The following DDHD2 variants were observed in gnomAD, a reference collection of about 807,000 sequenced individuals.
DDHD2 encodes DDHD domain containing 2, also known as triacylglycerol hydrolase DDHD2.
Under a neutral mutation model 91.2 loss-of-function variants are expected in DDHD2, and 62 were observed. The ratio of observed to expected loss-of-function variants is 0.68; its 90% CI spans 0.55 to 0.84. DDHD2 has a LOEUF of 0.84. DDHD2 is among the 40% of genes least tolerant of loss of function. The pLI is 0.00. For synonymous variants in DDHD2, 271 were observed against 293.9 expected, an observed-to-expected ratio of 0.92 and a Z score of 0.80; for missense variants, 740 against 846.9, an observed-to-expected ratio of 0.87 and a Z score of 1.57.
chr8:38,265,021 C>T (rs750685347), downstream of DDHD2: 59 of 1,051,006 alleles, frequency 5.6e-5, no homozygotes, highest in Non-Finnish European at 7.9e-5. Context: ...GTAATCCCAG[C>T]ACTTTGGGAG....
Position 38,253,575 on chromosome 8 carries a change from C to T in DDHD2, c.1911C>T (p.Thr637=), listed in dbSNP as rs1460992585. ...EKPSDVNTEE[T]SVAVKEEVLP... The stretch of plus-strand genomic sequence containing the variant: ...ATCCAGATGTTAACACAGAAGAGAC[C>T]TCTGTGGCAGTTAAAGAAGAAGTCC... Residue 637 remains threonine (T), a synonymous_variant, in exon 16 of 18, where the codon ACC becomes ACT. Coordinates refer to ENST00000397166, the MANE Select transcript of DDHD2 (RefSeq NM_015214.3). 1.9e-6 allele frequency: 3 copies of T among 1,613,794 alleles called. No homozygotes were observed. Among genetic ancestry groups the T allele is most frequent in the Non-Finnish European group, 2.5e-6 (3 of 1,179,912 alleles).
At chr8:38,267,757 C>T (rs117245448), downstream of DDHD2, 3 of 879,800 alleles carry the variant, frequency 3.4e-6, no homozygotes, top group East Asian at 2.6e-5. Context: ...AGGGAGTAAG[C>T]GTTGAATGAC....
intron 16 of DDHD2, 140 bp from the exon 17 acceptor site, chr8:38,259,900 A>G (rs1467200980): frequency 3.2e-6 from 2 of 616,052 alleles, no homozygotes; most frequent in Middle Eastern, 3.2e-4. Flanking sequence ...TGCCAATTAC[A>G]TTACTTCTGA....
chr8:38,238,315 C>G (rs1403501771), intron 5 of DDHD2, 106 bp downstream of exon 5: 1 of 1,524,682 alleles, frequency 6.6e-7, no homozygotes, highest in South Asian at 1.3e-5. Context: ...TAAAAATCAT[C>G]TTTAATCATA....
rs537256132 is a variant in DDHD2, at chr8:38,269,531, C to T, written n.88-1591C>T. ...GGGACCTCGCCTCTAAATGGAAAACCAAACAGCCCGCTCTCAGATCCTCGT... is the reference window on the plus strand; with the variant it reads ...GGGACCTCGCCTCTAAATGGAAAACTAAACAGCCCGCTCTCAGATCCTCGT... On this transcript the variant is annotated intron_variant and non_coding_transcript_variant, in intron 1 of 1. Transcript: ENST00000526071. Among the ~76,000 whole-genome samples the T allele has an allele frequency of 2.0e-5, 3 of 152,340 alleles. No homozygotes were observed. In the South Asian group the frequency reaches 6.2e-4, roughly 32 times the overall value.
intron 10 of DDHD2, among the ~76,000 whole-genome samples, chr8:38,248,512 A>G (rs1383391922): frequency 6.6e-6 from 1 of 151,976 alleles, no homozygotes; most frequent in African/African-American, 2.4e-5. Flanking sequence ...CTGACCTCAT[A>G]GTGTTTATAG....
chr8:38,268,247 G>T, intron 1 of DDHD2: 1 of 1,087,970 alleles, frequency 9.2e-7, no homozygotes, highest in Non-Finnish European at 1.3e-6. Flanking sequence ...TCTCCCGCGG[G>T]GATAGAGTTC....
chr8:38,269,050 G>A, intron 1 of DDHD2: 1 of 1,525,392 alleles, frequency 6.6e-7, no homozygotes, highest in African/African-American at 1.4e-5. Context: ...CTTCCCCACT[G>A]CCCGACCCGC....
chr8:38,271,532 T>A (rs1808482780), downstream of DDHD2: 1 of 152,116 alleles, frequency 6.6e-6, no homozygotes, highest in Non-Finnish European at 1.5e-5. Context: ...TGCAAAGCTG[T>A]CTAATTATAG....
chr8:38,260,168 T>C, intron 17 of DDHD2, 21 bp downstream of exon 17: 1 of 1,278,912 alleles, frequency 7.8e-7, no homozygotes, highest in South Asian at 1.2e-5. Flanking sequence ...AAATGTCATA[T>C]ATATAGTGTA....
intron 5 of DDHD2, among the ~76,000 whole-genome samples, chr8:38,240,068 A>G (rs1386748206): frequency 6.6e-6 from 1 of 152,152 alleles, no homozygotes; most frequent in Non-Finnish European, 1.5e-5. Flanking sequence ...AAAGTCCTGA[A>G]AAAAATTTTA....
downstream of DDHD2, chr8:38,267,477 A>G: frequency 2.0e-6 from 3 of 1,511,578 alleles, no homozygotes; most frequent in East Asian, 6.8e-5. Context: ...AATCCTGTTA[A>G]CTATTGGTCA....
At chr8:38,269,084 G>T in intron 1 of DDHD2, 2 of 1,528,494 alleles carry the variant, frequency 1.3e-6, no homozygotes, top group Non-Finnish European at 8.8e-7. Flanking sequence ...CCGCCTGCCT[G>T]GGAAGCGGGG....
At chr8:38,243,789 T>TG (rs1805419269) in intron 7 of DDHD2, among the ~76,000 whole-genome samples, 1 of 151,502 alleles carries the variant, frequency 6.6e-6, no homozygotes, top group South Asian at 2.1e-4. Context: ...TGGCACCACT[T>TG]GCAGCTGATT....
chr8:38,264,211 G>A (rs1228233293), downstream of DDHD2: 6 of 929,818 alleles, frequency 6.5e-6, no homozygotes, highest in African/African-American at 1.7e-5. Context: ...GCAGTGGTGC[G>A]ATCTCGGCTC....
chr8:38,233,960 A>T (rs1473902280), intron 2 of DDHD2, among the ~76,000 whole-genome samples: 1 of 151,810 alleles, frequency 6.6e-6, no homozygotes, highest in Non-Finnish European at 1.5e-5. Flanking sequence ...AGAAAAAAGT[A>T]TGTATAGAGT....
rs1029545577 is a variant in DDHD2, at chr8:38,260,088, C to T, written c.2103C>T (p.Thr701=). Residue 701 remains threonine (T), a synonymous_variant, in exon 17 of 18, where the codon ACC becomes ACT. Transcript: ENST00000397166. ...VLLVLKEIYQ[T]QGIFLDQPLQ ...TCGTCCTCAAAGAGATCTACCAAAC[C>T]CAGGGTATCTTCCTTGATCAGCCTT... is the stretch of plus-strand genomic sequence containing the variant. 2.6e-5 allele frequency: 42 copies of T among 1,613,458 alleles called. No homozygotes were observed. Among genetic ancestry groups the T allele is most frequent in the Non-Finnish European group, 3.3e-5 (39 of 1,179,594 alleles).
At chr8:38,258,255 C>A (rs554664037) in intron 16 of DDHD2, among the ~76,000 whole-genome samples, 2 of 142,414 alleles carry the variant, frequency 1.4e-5, no homozygotes, top group Admixed American at 1.4e-4. Flanking sequence ...TAATTAAATT[C>A]TTTTTTTTTT....
intron 2 of DDHD2, among the ~76,000 whole-genome samples, chr8:38,233,510 C>G (rs1412704212): frequency 6.6e-6 from 1 of 151,952 alleles, no homozygotes; most frequent in Non-Finnish European, 1.5e-5. Context: ...TCTTGAACTC[C>G]TAGGTTCAAG....
Sources: allele counts gnomAD v4.1 joint callset (sites outside exome capture counted in the v4.1 genomes callset), GRCh38; gene constraint gnomAD v4.1.1; transcripts MANE v1.5; gene names NCBI Gene and HGNC (gene_info 2026-07-23, HGNC 2026-07-21).